The following CDKAL1 variants were observed in gnomAD, a reference collection of about 807,000 sequenced individuals.
CDKAL1 encodes threonylcarbamoyladenosine tRNA methylthiotransferase.
Under a neutral mutation model 68.2 loss-of-function variants are expected in CDKAL1, and 32 were observed. That is an observed-to-expected ratio of 0.47 (90% CI 0.35 to 0.63). CDKAL1 has a LOEUF of 0.63. Ranked by LOEUF, CDKAL1 falls within the 30% of genes least tolerant of loss-of-function variation. The probability of loss-of-function intolerance (pLI) is 0.00; values close to 1 mark genes in which losing one functional copy is unlikely to be tolerated. For missense variants in CDKAL1, 606 were observed against 696.7 expected, an observed-to-expected ratio of 0.87 and a Z score of 1.47; for synonymous variants, 234 against 244.3, an observed-to-expected ratio of 0.96 and a Z score of 0.39.
At chr6:20,725,514 G>T (rs924135238) in intron 5 of CDKAL1, among the ~76,000 whole-genome samples, 5 of 152,206 alleles carry the variant, frequency 3.3e-5, no homozygotes, top group African/African-American at 1.2e-4. Context: ...GCTGGGCATG[G>T]TGGCTTATGC....
chr6:20,977,842 C>T (rs1765914928), intron 10 of CDKAL1, among the ~76,000 whole-genome samples: 1 of 152,138 alleles, frequency 6.6e-6, no homozygotes. Flanking sequence ...TGCTCCACTG[C>T]ACTCCAGCCT....
Position 20,864,861 on chromosome 6 carries a change from T to A in CDKAL1, c.742+18683T>A, listed in dbSNP as rs570203447. On this transcript the variant is annotated intron_variant, in intron 9 of 15. Coordinates refer to ENST00000274695, the MANE Select transcript of CDKAL1 (RefSeq NM_017774.3). ...TACATGCTGCATGATATTTATTATATCCTACCATCGATAAACATAAATAGC... is the reference window on the plus strand; with the variant it reads ...TACATGCTGCATGATATTTATTATAACCTACCATCGATAAACATAAATAGC... Among the ~76,000 whole-genome samples, 3 of 152,332 alleles carry A rather than the reference T, an allele frequency of 2.0e-5. No homozygotes were observed. In the South Asian group the frequency reaches 6.2e-4, roughly 32 times the overall value.
intron 3 of CDKAL1, among the ~76,000 whole-genome samples, chr6:20,547,619 T>G (rs1343550400): frequency 6.6e-6 from 1 of 152,168 alleles, no homozygotes; most frequent in African/African-American, 2.4e-5. Context: ...CTTATTTTGT[T>G]GGGAAACTAA....
chr6:20,971,282 ACTAAAGAAGCTTTGTTTT>A (rs1765584165), intron 10 of CDKAL1, among the ~76,000 whole-genome samples: 1 of 152,216 alleles, frequency 6.6e-6, no homozygotes, highest in Admixed American at 6.5e-5. Flanking sequence ...GTCTAGATTC[ACTAAAGAAGCTTTGTTTT>A]CTTGATAGAT....
At chr6:20,826,972 C>T (rs1339638544) in intron 8 of CDKAL1, among the ~76,000 whole-genome samples, 1 of 152,154 alleles carries the variant, frequency 6.6e-6, no homozygotes, top group Non-Finnish European at 1.5e-5. Flanking sequence ...ATTAGTATAT[C>T]TAATTCTGTG....
At chr6:20,559,029 T>G (rs1764169062) in intron 4 of CDKAL1, 1 of 152,888 alleles carries the variant, frequency 6.5e-6, no homozygotes, top group Admixed American at 6.5e-5. Context: ...TTTTTTCTTT[T>G]TAAAATGGAG....
At chr6:20,897,023 C>G (rs184372436) in intron 9 of CDKAL1, among the ~76,000 whole-genome samples, 1 of 152,280 alleles carries the variant, frequency 6.6e-6, no homozygotes, top group African/African-American at 2.4e-5. Context: ...TTACTACTCA[C>G]AGTTCTGGAG....
chr6:21,030,899 C>T (rs1307274920), intron 11 of CDKAL1, among the ~76,000 whole-genome samples: 1 of 152,116 alleles, frequency 6.6e-6, no homozygotes, highest in Non-Finnish European at 1.5e-5. Flanking sequence ...TTGAAGCTGA[C>T]AGGGGTGCTG....
At chr6:20,594,471 G>A (rs901256197) in intron 4 of CDKAL1, among the ~76,000 whole-genome samples, 2 of 152,082 alleles carry the variant, frequency 1.3e-5, no homozygotes, top group Admixed American at 6.6e-5. Context: ...TTGGTTTAAA[G>A]TCTGGTTCAT....
intron 11 of CDKAL1, among the ~76,000 whole-genome samples, chr6:21,018,516 C>A (rs1768462309): frequency 6.6e-6 from 1 of 152,064 alleles, no homozygotes; most frequent in South Asian, 2.1e-4. Flanking sequence ...TTCATGTCAC[C>A]TTATTGGAAA....
intron 5 of CDKAL1, among the ~76,000 whole-genome samples, chr6:20,686,323 A>G (rs930375019): frequency 6.6e-6 from 1 of 152,100 alleles, no homozygotes; most frequent in Non-Finnish European, 1.5e-5. Context: ...GCCAAGCTTC[A>G]TCTGTGTTTA....
At chr6:20,841,128 C>T (rs779695166) in intron 8 of CDKAL1, among the ~76,000 whole-genome samples, 1 of 152,146 alleles carries the variant, frequency 6.6e-6, no homozygotes, top group African/African-American at 2.4e-5. Context: ...AGCCACCATG[C>T]CTGGCCATTT....
In CDKAL1 at chr6:20,849,539, C is replaced by T. The variant is rs190124601; in HGVS notation, c.742+3361C>T. 1.2e-4 allele frequency among the ~76,000 whole-genome samples: 17 copies of T among 142,536 alleles called. No individual in the cohort carries two copies. The East Asian group carries it at 3.6e-3, about 30-fold the overall frequency. 93.5% of individuals were successfully genotyped at this position (142,536 alleles called of 152,430 possible). On this transcript the variant is annotated intron_variant, in intron 9 of 15. Transcript: ENST00000274695. ...CGGAGCTTGCAGTGAGCTGAGATTG[C>T]GCCACTGAACTCGAGCCTGGGCGAC...
At chr6:20,576,376 A>C (rs1431552606) in intron 4 of CDKAL1, among the ~76,000 whole-genome samples, 1 of 152,200 alleles carries the variant, frequency 6.6e-6, no homozygotes, top group African/African-American at 2.4e-5. Flanking sequence ...TTTAACCATT[A>C]AGAGGAGGTG....
At chr6:21,050,877 A>C (rs1770504506) in intron 11 of CDKAL1, among the ~76,000 whole-genome samples, 1 of 152,212 alleles carries the variant, frequency 6.6e-6, no homozygotes, top group Non-Finnish European at 1.5e-5. Context: ...CAATATTTGA[A>C]AACAATTTCT....
chr6:21,090,540 A>T (rs1405094993), intron 12 of CDKAL1, among the ~76,000 whole-genome samples: 2 of 152,192 alleles, frequency 1.3e-5, no homozygotes, highest in Non-Finnish European at 2.9e-5. Context: ...ATAGAGACTG[A>T]TTTATGGATT....
chr6:21,148,650 C>T (rs1776282339), intron 13 of CDKAL1, among the ~76,000 whole-genome samples: 1 of 151,882 alleles, frequency 6.6e-6, no homozygotes, highest in South Asian at 2.1e-4. Context: ...GTAACTACTG[C>T]TTCAGGCTTT....
In CDKAL1 at chr6:20,842,604, G is replaced by T. The variant is rs796558363; in HGVS notation, c.639-3471G>T. ...CCCAGCACTTTGGGAGGCCAAGGCG[G>T]GTGGATCACCTGAGGCTGGGAGTTC... On this transcript the variant is annotated intron_variant, in intron 8 of 15. Coordinates refer to ENST00000274695, the MANE Select transcript of CDKAL1 (RefSeq NM_017774.3). 3.9e-5 allele frequency among the ~76,000 whole-genome samples: 6 copies of T among 152,218 alleles called. No homozygotes were observed. The South Asian group carries it at 1.0e-3, about 26-fold the overall frequency.
intron 9 of CDKAL1, among the ~76,000 whole-genome samples, chr6:20,899,776 G>C (rs1761873269): frequency 6.6e-6 from 1 of 152,210 alleles, no homozygotes; most frequent in South Asian, 2.1e-4. Flanking sequence ...CCAGGAGGCA[G>C]AGGTTGCAGT....
Sources: gnomAD v4.1 joint callset for allele counts (sites outside exome capture counted in the v4.1 genomes callset) on GRCh38, gnomAD v4.1.1 for gene constraint, MANE v1.5 for transcripts, NCBI Gene and HGNC (gene_info 2026-07-23, HGNC 2026-07-21) for gene names.